Variants in SIL1 observed in about 807,000 individuals in gnomAD.
SIL1 encodes the protein SIL1 nucleotide exchange factor.
In SIL1, 40 loss-of-function variants were observed where a neutral mutation model predicts 49.1. The observed-to-expected ratio is 0.81, with a 90% confidence interval of 0.63 to 1.06. The LOEUF is 1.06. SIL1 is among the 50% of genes least tolerant of loss of function. The probability of loss-of-function intolerance (pLI) is 0.00; values close to 1 mark genes in which losing one functional copy is unlikely to be tolerated. For synonymous variants in SIL1, 253 were observed against 250.8 expected, an observed-to-expected ratio of 1.01 and a Z score of -0.08; for missense variants, 500 against 572.6, an observed-to-expected ratio of 0.87 and a Z score of 1.29.
intron 3 of SIL1, among the ~76,000 whole-genome samples, chr5:139,113,239 T>C: frequency 6.6e-6 from 1 of 151,866 alleles, no homozygotes; most frequent in African/African-American, 2.4e-5. Context: ...CCTCCACTAT[T>C]GTCCTATGAC....
chr5:138,956,769 G>A lies in SIL1; in HGVS notation c.768-4885C>T, dbSNP rs144478752. ...AAAAAAAAAAAAAGATACAATTACC[G>A]AATTGAATAAAAATGGAATAGGTTT... On this transcript the variant is annotated intron_variant, in intron 7 of 9. Coordinates refer to ENST00000394817, the MANE Select transcript of SIL1 (RefSeq NM_022464.5). 3.0e-3 allele frequency among the ~76,000 whole-genome samples: 450 copies of A among 149,904 alleles called. 3 individuals carry two copies. Among genetic ancestry groups the A allele is most frequent in the African/African-American group, 0.01 (420 of 40,744 alleles).
intron 7 of SIL1, among the ~76,000 whole-genome samples, chr5:138,993,903 A>G (rs1028212281): frequency 3.3e-5 from 5 of 152,230 alleles, no homozygotes; most frequent in African/African-American, 9.6e-5. Flanking sequence ...GTGTAATATA[A>G]TAAGTGTGCA....
chr5:138,957,573 A>T (rs1224442481), intron 7 of SIL1, among the ~76,000 whole-genome samples: 2 of 152,132 alleles, frequency 1.3e-5, no homozygotes, highest in African/African-American at 4.8e-5. Flanking sequence ...AAAGAAAAAA[A>T]AATTATAGAA....
intron 1 of SIL1, among the ~76,000 whole-genome samples, chr5:139,129,254 C>T (rs1750813983): frequency 6.6e-6 from 1 of 152,134 alleles, no homozygotes; most frequent in African/African-American, 2.4e-5. Flanking sequence ...GACAGACAGA[C>T]CAATGGAATA....
chr5:138,972,880 C>T (rs1000976598), intron 7 of SIL1, among the ~76,000 whole-genome samples: 4 of 152,194 alleles, frequency 2.6e-5, no homozygotes, highest in Non-Finnish European at 5.9e-5. Flanking sequence ...AAGTCCAGGA[C>T]AAACGGGTCC....
rs56725914 is a variant in SIL1 at position 139,105,890 on chromosome 5, T to C, written c.244+15145A>G. 5.6e-3 allele frequency among the ~76,000 whole-genome samples: 846 copies of C among 152,286 alleles called. 4 individuals are homozygous for C. Among genetic ancestry groups the C allele is most frequent in the African/African-American group, 0.02 (811 of 41,550 alleles). ...GCAGAAGCCGGCACAAGGCAATTTC[T>C]CTCTGTGCAGGGAAAAGGAGCCGCA... On this transcript the variant is annotated intron_variant, in intron 3 of 9. Transcript: ENST00000394817.
intron 7 of SIL1, among the ~76,000 whole-genome samples, chr5:138,972,448 T>C (rs1396698179): frequency 6.6e-6 from 1 of 152,220 alleles, no homozygotes; most frequent in Non-Finnish European, 1.5e-5. Flanking sequence ...AAAAAGCAGC[T>C]TTCCCATGGG....
At chr5:139,197,268 CA>C (rs11363617) in intron 1 of SIL1, among the ~76,000 whole-genome samples, 22,455 of 61,060 alleles carry the variant, frequency 0.37, 992 homozygotes, top group South Asian at 0.44. Context: ...AACTCCGCCT[CA>C]AAAAAAAAAA....
At chr5:139,147,670 C>A (rs952305417) in intron 1 of SIL1, among the ~76,000 whole-genome samples, 4 of 152,226 alleles carry the variant, frequency 2.6e-5, no homozygotes, top group African/African-American at 9.6e-5. Flanking sequence ...CTGTGCCCCA[C>A]ACCTCCACAC....
intron 5 of SIL1, among the ~76,000 whole-genome samples, chr5:139,041,829 A>C (rs553191214): frequency 3.3e-5 from 5 of 152,026 alleles, no homozygotes; most frequent in Non-Finnish European, 4.4e-5. Context: ...AAAAAAAAAA[A>C]AAAACAAAAA....
rs57219011 is a variant in SIL1 at position 139,130,298 on chromosome 5, A to T, written c.-10-2445T>A. On this transcript the variant is annotated intron_variant, in intron 1 of 9. Transcript: ENST00000394817. ...GATTCTGCCACTAAAAAAAATAAAA[A>T]AAATTAAAATGGGCAAAGGACTTGA... Among the ~76,000 whole-genome samples, 836 of 152,238 alleles carry T rather than the reference A, an allele frequency of 5.5e-3. 3 individuals carry two copies. Among genetic ancestry groups the T allele is most frequent in the African/African-American group, 0.019 (801 of 41,522 alleles).
At chr5:138,990,777 G>A (rs536083087) in intron 7 of SIL1, among the ~76,000 whole-genome samples, 21 of 152,306 alleles carry the variant, frequency 1.4e-4, no homozygotes, top group African/African-American at 3.1e-4. Flanking sequence ...GTCCAGTGGC[G>A]CGATCTCGGC....
intron 7 of SIL1, among the ~76,000 whole-genome samples, chr5:139,004,242 C>T (rs1768059421): frequency 6.6e-6 from 1 of 152,078 alleles, no homozygotes; most frequent in Non-Finnish European, 1.5e-5. Context: ...CTCAAGTGAT[C>T]CTTCCACCTC....
intron 3 of SIL1, among the ~76,000 whole-genome samples, chr5:139,109,068 C>T (rs1246217832): frequency 6.6e-6 from 1 of 152,214 alleles, no homozygotes; most frequent in African/African-American, 2.4e-5. Flanking sequence ...CATCCCTTAA[C>T]TTCAAAACTA....
At chr5:139,049,519 T>C (rs1429226253) in intron 4 of SIL1, among the ~76,000 whole-genome samples, 2 of 151,962 alleles carry the variant, frequency 1.3e-5, no homozygotes, top group Non-Finnish European at 1.5e-5. Flanking sequence ...CTGGGCACAG[T>C]GGTCCACATC....
intron 1 of SIL1, among the ~76,000 whole-genome samples, chr5:139,173,849 C>T (rs560322990): frequency 6.7e-6 from 1 of 149,398 alleles, no homozygotes; most frequent in African/African-American, 2.5e-5. Context: ...GTCCCAGCTA[C>T]TCAGGAGGCT....
intron 1 of SIL1, among the ~76,000 whole-genome samples, chr5:139,137,705 G>A (rs1483039621): frequency 1.3e-5 from 1 of 75,406 alleles, no homozygotes; most frequent in Admixed American, 2.0e-4. Context: ...AACAGTCCCC[G>A]GTGTGTGATG....
chr5:139,196,075 A>G (rs1461614521), intron 1 of SIL1, among the ~76,000 whole-genome samples: 1 of 152,184 alleles, frequency 6.6e-6, no homozygotes, highest in Non-Finnish European at 1.5e-5. Context: ...CTGTAGTCCC[A>G]ACTACTCAGG....
At chr5:138,960,271 A>C (rs763112032) in intron 7 of SIL1, among the ~76,000 whole-genome samples, 3 of 152,214 alleles carry the variant, frequency 2.0e-5, no homozygotes, top group Non-Finnish European at 4.4e-5. Flanking sequence ...TGAGAACCAG[A>C]ATGCAGGTTA....
Sources: allele counts gnomAD v4.1 joint callset (sites outside exome capture counted in the v4.1 genomes callset), GRCh38; gene constraint gnomAD v4.1.1; transcripts MANE v1.5; gene names NCBI Gene and HGNC (gene_info 2026-07-23, HGNC 2026-07-21).